LIPG: variants seen among roughly 807,000 people sequenced by gnomAD.
LIPG encodes the protein endothelial lipase.
LIPG carries 34 observed loss-of-function variants against 51.8 expected under a neutral mutation model. The ratio of observed to expected loss-of-function variants is 0.66; its 90% CI spans 0.50 to 0.87. The LOEUF is 0.87. Among genes scored for constraint, LIPG ranks in the 40% least tolerant of loss-of-function variants. The pLI, the probability that LIPG is intolerant of heterozygous loss-of-function variation, is 0.00. For missense variants in LIPG, 580 were observed against 652.7 expected (o/e 0.89, Z 1.21); for synonymous variants, 246 against 246.1 (o/e 1.00, Z 0.00).
chr18:49,582,308 C>T, intron 6 of LIPG, 54 bp from the exon 7 acceptor site: 10 of 1,612,834 alleles, frequency 6.2e-6, no homozygotes, highest in Admixed American at 1.7e-5. Context: ...GGTCAGGGGT[C>T]TCCTGTGATG....
chr18:49,571,422 C>A (rs2084662080), intron 4 of LIPG, among the ~76,000 whole-genome samples: 1 of 152,218 alleles, frequency 6.6e-6, no homozygotes, highest in Non-Finnish European at 1.5e-5. Context: ...TGAGTGGCAT[C>A]TGCTGGGGTG....
chr18:49,594,641 A>G lies in LIPG; in HGVS notation c.*4119A>G, dbSNP rs1446435005. On this transcript the variant is annotated 3_prime_UTR_variant, in exon 10 of 10. Coordinates refer to ENST00000261292, the MANE Select transcript of LIPG (RefSeq NM_006033.4). ...ATTTTTAGTAATCTTAAATTGATCT[A>G]TGACTATGAAGTATAATGCATTACA... 6.6e-6 allele frequency: 1 copy of G among 152,240 alleles called. No individual in the cohort carries two copies. The highest frequency in any genetic ancestry group is 1.5e-5 in the Non-Finnish European group (1 of 68,050). 9.4% of individuals were successfully genotyped at this position (152,240 alleles called of 1,614,324 possible). A position where few individuals can be genotyped will look rare whatever the true frequency, so the allele number is the denominator to read the frequency against.
At position 49,596,871 on chromosome 18, in the gene LIPG, A is replaced by T. The variant is rs1324359379; in HGVS notation, c.*6349A>T. ...ATTTTCCAAATGCATTTGACTTCCT[A>T]CTCTCTTAGCCCCAGCTCTCTGGTA... On this transcript the variant is annotated 3_prime_UTR_variant, in exon 10 of 10. Transcript: ENST00000261292. 1.3e-5 allele frequency: 2 copies of T among 150,348 alleles called. No individual in the cohort carries two copies. The highest frequency in any genetic ancestry group is 3.9e-4 in the East Asian group (2 of 5,112). 9.3% of individuals were successfully genotyped at this position (150,348 alleles called of 1,614,324 possible). A position where few individuals can be genotyped will look rare whatever the true frequency, so the allele number is the denominator to read the frequency against.
At position 49,567,471 on chromosome 18, in the gene LIPG, C is replaced by T. The variant is rs761652374; in HGVS notation, c.309C>T (p.His103=). The T allele has an allele frequency of 5.6e-6, 9 of 1,614,172 alleles. No individual in the cohort carries two copies. The Admixed American group carries it at 6.7e-5, about 12-fold the overall frequency. The part of the protein sequence containing the change: ...TMSGIFENWL[H]KLVSALHTRE... ...GCGGTATCTTTGAAAACTGGCTGCA[C>T]AAACTCGTGTCAGCCCTGCACACAA... is the stretch of plus-strand genomic sequence containing the variant. The change falls in exon 3 of 10, where the codon CAC becomes CAT. Residue 103 remains histidine (H), a synonymous_variant. Transcript: ENST00000261292.
chr18:49,565,795 C>T (rs752677695), intron 2 of LIPG, among the ~76,000 whole-genome samples: 7 of 152,190 alleles, frequency 4.6e-5, no homozygotes, highest in Non-Finnish European at 1.0e-4. Context: ...CACTTAATTA[C>T]GCTGGTCAAC....
chr18:49,567,323 T>C, intron 2 of LIPG, 119 bp from the exon 3 acceptor site: 1 of 989,442 alleles, frequency 1.0e-6, no homozygotes, highest in South Asian at 1.5e-5. Context: ...GGCAACAGAG[T>C]GAGACCCTGA....
chr18:49,594,052 G>C lies in LIPG; in HGVS notation c.*3530G>C, dbSNP rs893747454. On this transcript the variant is annotated 3_prime_UTR_variant, in exon 10 of 10. Coordinates refer to ENST00000261292, the MANE Select transcript of LIPG (RefSeq NM_006033.4). ...TTGAAACCATATTTTATTAACTCTA[G>C]TTTTACCCTTCAGTGGTATAGGACA... 1 of 152,036 alleles carries C rather than the reference G, an allele frequency of 6.6e-6. No homozygotes were observed. Among genetic ancestry groups the C allele is most frequent in the Non-Finnish European group, 1.5e-5 (1 of 67,998 alleles). 9.4% of individuals were successfully genotyped at this position (152,036 alleles called of 1,614,324 possible).
In LIPG at chr18:49,581,444, G is replaced by A. The variant is rs866183717; in HGVS notation, c.823G>A (p.Glu275Lys). The A allele has an allele frequency of 2.5e-6, 4 of 1,614,154 alleles. No homozygotes were observed. Among genetic ancestry groups the A allele is most frequent in the East Asian group, 2.2e-5 (1 of 44,886 alleles). The change falls in exon 6 of 10, where the codon GAG becomes AAG. Residue 275 changes from glutamate to lysine, a missense_variant. Transcript: ENST00000261292. ...TITEVVKCEHERAVHLFVDSL... is the reference protein window; with the variant it reads ...TITEVVKCEHKRAVHLFVDSL... Reference sequence around the variant, plus strand: ...CACAGAGGTGGTAAAATGTGAGCATGAGCGAGCCGTCCACCTCTTTGTTGA... The same window carrying A: ...CACAGAGGTGGTAAAATGTGAGCATAAGCGAGCCGTCCACCTCTTTGTTGA...
Position 49,590,579 on chromosome 18 carries a change from A to C in LIPG, c.*57A>C, listed in dbSNP as rs2084932010. 7.1e-6 allele frequency: 11 copies of C among 1,553,298 alleles called. No homozygotes were observed. The South Asian group carries it at 9.4e-5, about 13-fold the overall frequency. Reference sequence around the variant, plus strand: ...GCAAGACTTCCTGCTATCCAAGCCCATGGAGGAAAGTTACTGCTGAGGACC... The same window carrying C: ...GCAAGACTTCCTGCTATCCAAGCCCCTGGAGGAAAGTTACTGCTGAGGACC... On this transcript the variant is annotated 3_prime_UTR_variant, in exon 10 of 10. Transcript: ENST00000261292.
chr18:49,565,186 C>T, intron 1 of LIPG, 131 bp from the exon 2 acceptor site: 1 of 778,950 alleles, frequency 1.3e-6, no homozygotes, highest in South Asian at 1.5e-5. Flanking sequence ...GAAAAGGGAA[C>T]ATTCAGCAGA....
At chr18:49,566,259 G>C (rs1258542681) in intron 2 of LIPG, among the ~76,000 whole-genome samples, 1 of 152,160 alleles carries the variant, frequency 6.6e-6, no homozygotes, top group Non-Finnish European at 1.5e-5. Context: ...GAGGGTAGGT[G>C]CCTGCCTACC....
At chr18:49,569,171 A>C (rs1412604540) in intron 3 of LIPG, among the ~76,000 whole-genome samples, 1 of 151,810 alleles carries the variant, frequency 6.6e-6, no homozygotes, top group Non-Finnish European at 1.5e-5. Context: ...TGTAGGGAAC[A>C]GCCACATATG....
chr18:49,570,045 GA>G (rs1483483379), intron 4 of LIPG, among the ~76,000 whole-genome samples: 1 of 152,232 alleles, frequency 6.6e-6, no homozygotes, highest in African/African-American at 2.4e-5. Flanking sequence ...GGACTCAGGG[GA>G]AAAGAATGAA....
Position 49,583,773 on chromosome 18 carries a change from A to G in LIPG, c.1375A>G (p.Lys459Glu). ...GGTGAAGTCTGGGGAAACCCAGCGG[A>G]AGTAAGTGCCTCCTGCTCCTTCTTC... ...IRVKSGETQR[K>E]LTFCTEDPEN... is the part of the protein sequence containing the mutation. The change falls in exon 8 of 10, where the codon AAA (lysine) becomes GAA (glutamate). Residue 459 changes from lysine to glutamate, a missense_variant and splice_region_variant. Lys to Glu is a moderately conservative substitution (Grantham distance 56). Transcript: ENST00000261292. The G allele has an allele frequency of 6.2e-7, 1 of 1,609,698 alleles. No homozygotes were observed. Among genetic ancestry groups the G allele is most frequent in the South Asian group, 1.1e-5 (1 of 90,508 alleles).
chr18:49,582,601 C>A, intron 7 of LIPG, 119 bp downstream of exon 7: 1 of 1,327,670 alleles, frequency 7.5e-7, no homozygotes, highest in Non-Finnish European at 1.1e-6. Context: ...TCCGACTGCT[C>A]AGGGAGGAGC....
At chr18:49,578,026 C>T (rs2084746196) in intron 5 of LIPG, among the ~76,000 whole-genome samples, 1 of 140,842 alleles carries the variant, frequency 7.1e-6, no homozygotes, top group African/African-American at 2.7e-5. Flanking sequence ...GGGGGCTGAC[C>T]CCCCCACCTC....
At chr18:49,563,540 T>C (rs2084572685) in intron 1 of LIPG, among the ~76,000 whole-genome samples, 1 of 151,358 alleles carries the variant, frequency 6.6e-6, no homozygotes, top group East Asian at 1.9e-4. Context: ...TACATTTCAG[T>C]GGTGGGAAGA....
intron 5 of LIPG, among the ~76,000 whole-genome samples, chr18:49,577,102 G>T (rs1187029754): frequency 1.4e-5 from 2 of 147,238 alleles, no homozygotes; most frequent in Non-Finnish European, 1.5e-5. Flanking sequence ...ATAGTGGAGG[G>T]AAGGTCAGCA....
At chr18:49,573,818 G>T (rs1206597047) in intron 4 of LIPG, among the ~76,000 whole-genome samples, 1 of 152,126 alleles carries the variant, frequency 6.6e-6, no homozygotes, top group Non-Finnish European at 1.5e-5. Flanking sequence ...CAGGACTCTT[G>T]TTGGTCACAT....
Sources: gnomAD v4.1 joint callset for allele counts (sites outside exome capture counted in the v4.1 genomes callset) on GRCh38, gnomAD v4.1.1 for gene constraint, MANE v1.5 for transcripts, NCBI Gene and HGNC (gene_info 2026-07-23, HGNC 2026-07-21) for gene names.